NOL7: variants seen among roughly 807,000 people sequenced by gnomAD.
NOL7 encodes the protein nucleolar protein 7, also known as U3 small nucleolar RNA-associated protein NOL7.
In NOL7, 36 loss-of-function variants were observed where a neutral mutation model predicts 38.4. That is an observed-to-expected ratio of 0.94 (90% CI 0.72 to 1.24). The LOEUF is 1.24. Among genes scored for constraint, NOL7 ranks in the 50% most tolerant of loss-of-function variants. The pLI, the probability that NOL7 is intolerant of heterozygous loss-of-function variation, is 0.00. For missense variants in NOL7, 350 were observed against 315.1 expected (o/e 1.11, Z -0.84); for synonymous variants, 142 against 126.5 (o/e 1.12, Z -0.82).
intron 2 of NOL7, among the ~76,000 whole-genome samples, chr6:13,616,035 C>CAA (rs918858594): frequency 7.0e-6 from 1 of 143,052 alleles, no homozygotes; most frequent in African/African-American, 2.6e-5. Context: ...GACCCTGTCT[C>CAA]AAAAAAAAAA....
rs994713089 is a variant in NOL7 at position 13,615,374 on chromosome 6, C to T, written c.16C>T (p.Pro6Ser). The change falls in exon 1 of 8, where the codon CCG becomes TCG. Residue 6 changes from proline (P) to serine (S), a missense_variant. Physicochemically the swap from Pro to Ser is moderately conservative, Grantham distance 74. Coordinates refer to ENST00000451315, the MANE Select transcript of NOL7 (RefSeq NM_016167.5). MVQLRPRASRAPASAE... is the reference protein window; with the variant it reads MVQLRSRASRAPASAE... ...TGCGTGGGCCATGGTGCAGCTCCGA[C>T]CGCGAGCGTCTCGCGCCCCGGCGTC... 8.6e-6 allele frequency: 13 copies of T among 1,513,164 alleles called. No homozygotes were observed. In the East Asian group the frequency reaches 2.7e-4, roughly 31 times the overall value. 93.7% of individuals were successfully genotyped at this position (1,513,164 alleles called of 1,614,324 possible).
At chr6:13,616,342 C>T (rs1321253470) in intron 2 of NOL7, 121 bp from the exon 3 acceptor site, 2 of 628,516 alleles carry the variant, frequency 3.2e-6, no homozygotes, top group Non-Finnish European at 5.5e-6. Flanking sequence ...GGGCAGTTTC[C>T]AGCCTAATTC....
At chr6:13,617,019 C>G (rs9474732) in intron 3 of NOL7, among the ~76,000 whole-genome samples, 1 of 152,126 alleles carries the variant, frequency 6.6e-6, no homozygotes, top group East Asian at 1.9e-4. Flanking sequence ...ATTTAGCCTT[C>G]TAAATTTTTT....
intron 8 of NOL7, among the ~76,000 whole-genome samples, chr6:13,627,944 C>T (rs1205240549): frequency 6.6e-6 from 1 of 152,038 alleles, no homozygotes; most frequent in Non-Finnish European, 1.5e-5. Context: ...CAAACCTGCA[C>T]ATCCTGCACA....
In NOL7 at chr6:13,620,411, A is replaced by ATAAG. The variant is rs1764410820; in HGVS notation, c.628_631dup (p.Phe211Ter). 1.9e-6 allele frequency: 3 copies of ATAAG among 1,614,140 alleles called. No homozygotes were observed. The highest frequency in any genetic ancestry group is 2.2e-5 in the East Asian group (1 of 44,864). ...GATAAATACCTTTCTTTTCTAGTAA[A>ATAAG]TAAGTTCCTGTCTCTTGCCAACAAG... On this transcript the variant is annotated frameshift_variant, in exon 7 of 8. Coordinates refer to ENST00000451315, the MANE Select transcript of NOL7 (RefSeq NM_016167.5). LOFTEE classifies it high-confidence loss of function.
At chr6:13,622,379 C>A (rs1186926893), downstream of NOL7, 1 of 1,592,744 alleles carries the variant, frequency 6.3e-7, no homozygotes, top group Non-Finnish European at 8.6e-7. Context: ...AGGTAGTCTT[C>A]CACTGTGGCA....
At chr6:13,625,060 T>C (rs1237972984), downstream of NOL7, among the ~76,000 whole-genome samples, 1 of 152,222 alleles carries the variant, frequency 6.6e-6, no homozygotes, top group African/African-American at 2.4e-5. Context: ...TGAGCTTCTC[T>C]GATATTCAAG....
At chr6:13,620,143 A>G in intron 5 of NOL7, 65 bp from the exon 6 acceptor site, 1 of 1,538,960 alleles carries the variant, frequency 6.5e-7, no homozygotes, top group Non-Finnish European at 8.7e-7. Flanking sequence ...ACTCTGTCTC[A>G]GGAAGAAAAA....
intron 8 of NOL7, among the ~76,000 whole-genome samples, chr6:13,631,762 C>T (rs1235735527): frequency 6.6e-6 from 1 of 152,182 alleles, no homozygotes; most frequent in African/African-American, 2.4e-5. Context: ...GAAAGCCCCT[C>T]CACCTTCAAC....
downstream of NOL7, among the ~76,000 whole-genome samples, chr6:13,626,707 T>G (rs1224606095): frequency 2.6e-5 from 4 of 152,238 alleles, no homozygotes; most frequent in African/African-American, 9.6e-5. Context: ...ACTGTCAATT[T>G]GTGAGTTCAG....
Position 13,619,358 on chromosome 6 carries a change from C to T in NOL7, c.501-850C>T, listed in dbSNP as rs1018185468. On this transcript the variant is annotated intron_variant, in intron 5 of 7. Transcript: ENST00000451315. ...CTGGAATTTTGGCCGATACTGTGGA[C>T]GATGTCTGTAGTATCTGTCTTGAAG... Among the ~76,000 whole-genome samples the T allele has an allele frequency of 3.9e-5, 6 of 152,208 alleles. 1 individual carries two copies. In the South Asian group the frequency reaches 6.2e-4, roughly 16 times the overall value.
At chr6:13,619,972 T>A (rs1020721153) in intron 5 of NOL7, among the ~76,000 whole-genome samples, 1 of 152,130 alleles carries the variant, frequency 6.6e-6, no homozygotes, top group African/African-American at 2.4e-5. Context: ...CTGGCCAACA[T>A]GGTGAAACCC....
intron 2 of NOL7, 55 bp from the exon 3 acceptor site, chr6:13,616,408 C>A: frequency 1.5e-6 from 2 of 1,294,096 alleles, no homozygotes; most frequent in Non-Finnish European, 2.2e-6. Flanking sequence ...GAAGCAACTC[C>A]GGACATACTA....
Position 13,618,075 on chromosome 6 carries a change from A to C in NOL7, c.436A>C (p.Asn146His), listed in dbSNP as rs1192749675. The C allele has an allele frequency of 6.4e-7, 1 of 1,559,768 alleles. No individual in the cohort carries two copies. Among genetic ancestry groups the C allele is most frequent in the Admixed American group, 1.7e-5 (1 of 58,160 alleles). Residue 146 changes from asparagine (N) to histidine (H), a missense_variant, in exon 5 of 8, where the codon AAT becomes CAT. Coordinates refer to ENST00000451315, the MANE Select transcript of NOL7 (RefSeq NM_016167.5). ...KVKEVNLQKK[N>H]EDCEKGNDSK... is the part of the protein sequence containing the mutation. ...TTTTTTAGTTAATTTGCAAAAGAAA[A>C]ATGAAGACTGTGAAAAAGGAAATGA...
rs746669978 is a variant in NOL7, at chr6:13,620,163, G to A, written c.501-45G>A. On this transcript the variant is annotated intron_variant, in intron 5 of 7. Transcript: ENST00000451315. ...GTCTCAGGAAGAAAAAAAAAAGAAA[G>A]TAAGCATGTGTAATTCTTATTTAAC... 7 of 1,567,446 alleles carry A rather than the reference G, an allele frequency of 4.5e-6. No individual in the cohort carries two copies. The South Asian group carries it at 7.1e-5, about 16-fold the overall frequency.
At chr6:13,623,776 T>C (rs114613025), downstream of NOL7, among the ~76,000 whole-genome samples, 1 of 152,216 alleles carries the variant, frequency 6.6e-6, no homozygotes, top group Non-Finnish European at 1.5e-5. Context: ...TCATTAATTT[T>C]ACAGGAATCG....
chr6:13,623,604 TA>T (rs543076341), downstream of NOL7, among the ~76,000 whole-genome samples: 338 of 152,280 alleles, frequency 2.2e-3, 1 homozygote, highest in Non-Finnish European at 3.5e-3. Context: ...CTACAGGGAA[TA>T]TTTTTTTAAT....
chr6:13,625,959 C>T (rs553330051), downstream of NOL7, among the ~76,000 whole-genome samples: 4 of 152,256 alleles, frequency 2.6e-5, no homozygotes, highest in African/African-American at 7.2e-5. Context: ...AATTTATTTT[C>T]ATTTTTCCTG....
chr6:13,626,978 C>T (rs115920170), intron 8 of NOL7, among the ~76,000 whole-genome samples: 2 of 152,308 alleles, frequency 1.3e-5, no homozygotes, highest in Non-Finnish European at 2.9e-5. Flanking sequence ...TCTGAGACCA[C>T]AAGGCATGGA....
Sources: gnomAD v4.1 joint callset for allele counts (sites outside exome capture counted in the v4.1 genomes callset) on GRCh38, gnomAD v4.1.1 for gene constraint, MANE v1.5 for transcripts, NCBI Gene and HGNC (gene_info 2026-07-23, HGNC 2026-07-21) for gene names.